The following DNAH11 variants were observed in gnomAD, a reference collection of about 807,000 sequenced individuals.
The protein encoded by DNAH11 is axonemal beta dynein heavy chain 11.
In DNAH11, 442 loss-of-function variants were observed where a neutral mutation model predicts 526.0. That is an observed-to-expected ratio of 0.84 (90% CI 0.78 to 0.91). The LOEUF (loss-of-function observed/expected upper bound fraction) is 0.91, where lower values mean the gene tolerates loss of function less well. DNAH11 is among the 40% of genes least tolerant of loss of function. The pLI is 0.00. For missense variants in DNAH11, 6,989 were observed against 5,448.7 expected, an observed-to-expected ratio of 1.28 and a Z score of -8.90; for synonymous variants, 2,461 against 1,935.9, an observed-to-expected ratio of 1.27 and a Z score of -7.12.
chr7:21,590,065 T>C (rs1784619108), intron 12 of DNAH11, among the ~76,000 whole-genome samples: 1 of 152,186 alleles, frequency 6.6e-6, no homozygotes, highest in South Asian at 2.1e-4. Context: ...TGTTAATGCA[T>C]GGTAAGTCAT....
In DNAH11 at chr7:21,571,569, G is replaced by C. The variant is rs73066481; in HGVS notation, c.1426-237G>C. On this transcript the variant is annotated intron_variant, in intron 7 of 81. Coordinates refer to ENST00000409508, the MANE Select transcript of DNAH11 (RefSeq NM_001277115.2). The stretch of plus-strand genomic sequence containing the variant: ...TGCTGGTATTACAAGCGTGAGCCCT[G>C]TGCCTGGCCAGTGAGAGTTAATTTT... Among the ~76,000 whole-genome samples the C allele has an allele frequency of 0.16, 23,913 of 152,112 alleles. 2,114 individuals carry two copies. Among genetic ancestry groups the C allele is most frequent in the East Asian group, 0.23 (1,173 of 5,168 alleles).
At chr7:21,590,196 A>G (rs1784623560) in intron 12 of DNAH11, among the ~76,000 whole-genome samples, 1 of 152,140 alleles carries the variant, frequency 6.6e-6, no homozygotes, top group Non-Finnish European at 1.5e-5. Flanking sequence ...CAATATGTGC[A>G]TATATTTAAT....
chr7:21,862,275 C>T (rs969350136), intron 69 of DNAH11, among the ~76,000 whole-genome samples: 4 of 151,842 alleles, frequency 2.6e-5, no homozygotes, highest in Non-Finnish European at 2.9e-5. Flanking sequence ...CCTACCACAG[C>T]GGTCACCCTG....
At chr7:21,868,778 C>G in intron 72 of DNAH11, 86 bp from the exon 73 acceptor site, 2 of 1,539,176 alleles carry the variant, frequency 1.3e-6, no homozygotes, top group Middle Eastern at 1.7e-4. Context: ...GCGGTGACCA[C>G]AGATGTGCAT....
At chr7:21,625,814 C>T (rs928505972) in intron 25 of DNAH11, among the ~76,000 whole-genome samples, 1 of 151,938 alleles carries the variant, frequency 6.6e-6, no homozygotes, top group Admixed American at 6.6e-5. Flanking sequence ...TCCAAAATTC[C>T]TCCTGTTATT....
rs1784524137 is a variant in DNAH11 at position 21,587,750 on chromosome 7, A to G, written c.1711-314A>G. On this transcript the variant is annotated intron_variant, in intron 9 of 81. Coordinates refer to ENST00000409508, the MANE Select transcript of DNAH11 (RefSeq NM_001277115.2). ...GTATGTGAATCTTGTTTCTATTCTT[A>G]TATCTGCAAAGCATCTTCTAAAATG... 2.0e-5 allele frequency among the ~76,000 whole-genome samples: 3 copies of G among 152,298 alleles called. No homozygotes were observed. The South Asian group carries it at 6.2e-4, about 32-fold the overall frequency.
chr7:21,590,251 A>G (rs1292637178), intron 12 of DNAH11, among the ~76,000 whole-genome samples: 4 of 152,228 alleles, frequency 2.6e-5, no homozygotes, highest in Non-Finnish European at 4.4e-5. Context: ...TGCATTGTAT[A>G]TATTTTAAAC....
intron 63 of DNAH11, among the ~76,000 whole-genome samples, chr7:21,810,202 G>C (rs1439188371): frequency 6.6e-6 from 1 of 152,168 alleles, no homozygotes; most frequent in Non-Finnish European, 1.5e-5. Flanking sequence ...AGATTTGCAC[G>C]ATGTAAAATC....
intron 25 of DNAH11, among the ~76,000 whole-genome samples, chr7:21,623,124 A>T (rs1431952390): frequency 6.6e-6 from 1 of 152,122 alleles, no homozygotes; most frequent in Non-Finnish European, 1.5e-5. Context: ...ATTTACAAGA[A>T]AAAAACAACC....
intron 55 of DNAH11, among the ~76,000 whole-genome samples, chr7:21,771,488 G>T (rs565675616): frequency 3.3e-5 from 5 of 152,156 alleles, no homozygotes; most frequent in Non-Finnish European, 7.4e-5. Context: ...TTTTTGTGTT[G>T]ACAGTGAGCC....
At chr7:21,616,683 T>C (rs1463272395) in intron 22 of DNAH11, among the ~76,000 whole-genome samples, 2 of 152,330 alleles carry the variant, frequency 1.3e-5, no homozygotes, top group South Asian at 2.1e-4. Flanking sequence ...GGGCAACTAA[T>C]AGGAGCATGC....
intron 30 of DNAH11, among the ~76,000 whole-genome samples, chr7:21,670,835 C>T (rs571510323): frequency 1.3e-5 from 2 of 151,554 alleles, no homozygotes; most frequent in Non-Finnish European, 2.9e-5. Flanking sequence ...GAATAATAAA[C>T]AATTGGTTAT....
chr7:21,813,948 G>C (rs1466759605), intron 63 of DNAH11, among the ~76,000 whole-genome samples: 1 of 152,088 alleles, frequency 6.6e-6, no homozygotes, highest in African/African-American at 2.4e-5. Context: ...TTAATGAAGG[G>C]GATATGTTCT....
chr7:21,761,635 C>T (rs536510955), intron 54 of DNAH11, among the ~76,000 whole-genome samples: 5 of 152,186 alleles, frequency 3.3e-5, no homozygotes, highest in African/African-American at 1.2e-4. Context: ...TGGAGTTGGT[C>T]CAAGGATTTG....
chr7:21,708,606 C>T lies in DNAH11; in HGVS notation c.6683+771C>T, dbSNP rs1028140558. On this transcript the variant is annotated intron_variant, in intron 40 of 81. Coordinates refer to ENST00000409508, the MANE Select transcript of DNAH11 (RefSeq NM_001277115.2). ...CCAACCTTTTCCATGGCTTATAACG[C>T]TCTATGGGATTGGATCCCTGCCCCC... 7.1e-4 allele frequency among the ~76,000 whole-genome samples: 108 copies of T among 152,322 alleles called. 1 individual carries two copies. Among genetic ancestry groups the T allele is most frequent in the African/African-American group, 2.5e-3 (104 of 41,568 alleles).
chr7:21,703,979 G>A (rs1784161327), intron 37 of DNAH11, among the ~76,000 whole-genome samples: 1 of 152,074 alleles, frequency 6.6e-6, no homozygotes, highest in South Asian at 2.1e-4. Flanking sequence ...CCTGACGTTT[G>A]AGTTACTGCT....
At position 21,803,705 on chromosome 7, in the gene DNAH11, A is replaced by G. The variant is rs530908848; in HGVS notation, c.10165+2430A>G. 2.0e-5 allele frequency among the ~76,000 whole-genome samples: 3 copies of G among 150,782 alleles called. No homozygotes were observed. The East Asian group carries it at 5.9e-4, about 29-fold the overall frequency. ...ATCATTGAAGTCTGGAAAAGTGGGG[A>G]ATGGGGCTGTCATCATTGAAGTCTG... On this transcript the variant is annotated intron_variant, in intron 62 of 81. Transcript: ENST00000409508.
At chr7:21,784,844 C>A (rs1321417229) in intron 58 of DNAH11, among the ~76,000 whole-genome samples, 4 of 152,086 alleles carry the variant, frequency 2.6e-5, no homozygotes, top group Non-Finnish European at 4.4e-5. Context: ...CTGGATTTGA[C>A]CCAAATCCAA....
intron 2 of DNAH11, among the ~76,000 whole-genome samples, chr7:21,545,370 T>C (rs1285137619): frequency 6.7e-6 from 1 of 148,470 alleles, no homozygotes; most frequent in South Asian, 2.2e-4. Flanking sequence ...AAGGAGCTCA[T>C]GCTTACTGAT....
Sources: allele counts gnomAD v4.1 joint callset (sites outside exome capture counted in the v4.1 genomes callset), GRCh38; gene constraint gnomAD v4.1.1; transcripts MANE v1.5; gene names NCBI Gene and HGNC (gene_info 2026-07-23, HGNC 2026-07-21).